The following JAKMIP2 variants were observed in gnomAD, a reference collection of about 807,000 sequenced individuals.
The protein encoded by JAKMIP2 is janus kinase and microtubule interacting protein 2, also known as janus kinase and microtubule-interacting protein 2.
In JAKMIP2, 25 loss-of-function variants were observed where a neutral mutation model predicts 115.0. That is an observed-to-expected ratio of 0.22 (90% CI 0.16 to 0.30). The LOEUF (loss-of-function observed/expected upper bound fraction) is 0.30. Ranked by LOEUF, JAKMIP2 falls within the 10% of genes least tolerant of loss-of-function variation. The probability of loss-of-function intolerance (pLI) is 1.00; values close to 1 mark genes in which losing one functional copy is unlikely to be tolerated. For synonymous variants in JAKMIP2, 334 were observed against 343.6 expected, an observed-to-expected ratio of 0.97 and a Z score of 0.31; for missense variants, 642 against 957.6, an observed-to-expected ratio of 0.67 and a Z score of 4.35.
chr5:147,610,098 C>T (rs1219427424), intron 20 of JAKMIP2, among the ~76,000 whole-genome samples: 1 of 152,112 alleles, frequency 6.6e-6, no homozygotes, highest in Non-Finnish European at 1.5e-5. Context: ...TATTAAGGTT[C>T]TTAGCTTCCT....
At chr5:147,699,907 T>C (rs745704803) in intron 1 of JAKMIP2, among the ~76,000 whole-genome samples, 42 of 152,372 alleles carry the variant, frequency 2.8e-4, no homozygotes, top group Non-Finnish European at 3.7e-4. Context: ...TGGTGCTGTG[T>C]GAAGCAGAAA....
chr5:147,704,709 C>G (rs138485545), intron 1 of JAKMIP2, among the ~76,000 whole-genome samples: 1 of 152,278 alleles, frequency 6.6e-6, no homozygotes, highest in East Asian at 1.9e-4. Context: ...AAAGTCAAGT[C>G]AAGCAGAGGT....
At chr5:147,652,175 T>C (rs1358569219) in intron 3 of JAKMIP2, among the ~76,000 whole-genome samples, 1 of 152,164 alleles carries the variant, frequency 6.6e-6, no homozygotes. Context: ...GTCGTCATCA[T>C]TTTACAGGTG....
At chr5:147,615,503 G>C (rs1756525710) in intron 19 of JAKMIP2, among the ~76,000 whole-genome samples, 1 of 152,028 alleles carries the variant, frequency 6.6e-6, no homozygotes, top group Admixed American at 6.6e-5. Context: ...AGCTACTGAA[G>C]GACCTGAAGA....
chr5:147,728,369 T>C (rs1454648559), intron 1 of JAKMIP2, among the ~76,000 whole-genome samples: 1 of 152,198 alleles, frequency 6.6e-6, no homozygotes, highest in Non-Finnish European at 1.5e-5. Context: ...ATCTTTGCAT[T>C]GTCTTGTTCT....
chr5:147,729,630 C>G, intron 1 of JAKMIP2, among the ~76,000 whole-genome samples: 1 of 151,818 alleles, frequency 6.6e-6, no homozygotes, highest in East Asian at 1.9e-4. Context: ...AAAAATTAGC[C>G]GGGCGTGGTG....
Position 147,636,215 on chromosome 5 carries a change from A to C in JAKMIP2, c.1677+7T>G. 1 of 1,611,854 alleles carries C rather than the reference A, an allele frequency of 6.2e-7. No individual in the cohort carries two copies. The highest frequency in any genetic ancestry group is 2.2e-5 in the East Asian group (1 of 44,854). On this transcript the variant is annotated splice_region_variant and intron_variant, in intron 12 of 21. Coordinates refer to ENST00000616793, the MANE Select transcript of JAKMIP2 (RefSeq NM_001270941.2). The stretch of plus-strand genomic sequence containing the variant: ...TCTGCCCCGCTAGGGTGTTGTGCCC[A>C]ACATACCTTTTCTAAAAGCTCCTGG...
intron 1 of JAKMIP2, among the ~76,000 whole-genome samples, chr5:147,734,238 TAA>T (rs1184498972): frequency 2.6e-5 from 4 of 151,994 alleles, no homozygotes; most frequent in African/African-American, 9.7e-5. Flanking sequence ...TGGTGATCAT[TAA>T]AAAGTCAGGA....
chr5:147,782,222 C>A (rs1755785327), intron 1 of JAKMIP2, among the ~76,000 whole-genome samples: 1 of 152,078 alleles, frequency 6.6e-6, no homozygotes. Flanking sequence ...GCATTCTGAG[C>A]CAGTTAGAGA....
chr5:147,733,764 T>C (rs985127359), intron 1 of JAKMIP2, among the ~76,000 whole-genome samples: 2 of 152,188 alleles, frequency 1.3e-5, no homozygotes, highest in Non-Finnish European at 2.9e-5. Flanking sequence ...GGTTTCCAGT[T>C]TCATCCATGT....
intron 1 of JAKMIP2, among the ~76,000 whole-genome samples, chr5:147,742,155 A>ATATATATATTT: frequency 9.2e-6 from 1 of 108,884 alleles, no homozygotes. Context: ...ATATATATAT[A>ATATATATATTT]TTTTTTTTAC....
intron 1 of JAKMIP2, among the ~76,000 whole-genome samples, chr5:147,750,644 G>T (rs1159845773): frequency 6.6e-6 from 1 of 151,546 alleles, no homozygotes; most frequent in African/African-American, 2.4e-5. Context: ...TTTCTATTAT[G>T]AACTGCACTG....
intron 1 of JAKMIP2, among the ~76,000 whole-genome samples, chr5:147,696,443 C>T (rs1050135521): frequency 1.3e-5 from 2 of 152,194 alleles, no homozygotes; most frequent in African/African-American, 2.4e-5. Flanking sequence ...TTTTCTTCTC[C>T]TTCTGCCATA....
intron 21 of JAKMIP2, among the ~76,000 whole-genome samples, chr5:147,598,429 T>TATCTATCC (rs1755513169): frequency 6.8e-6 from 1 of 145,996 alleles, no homozygotes; most frequent in Non-Finnish European, 1.5e-5. Flanking sequence ...CATTTTCATC[T>TATCTATCC]ATCTATCTAT....
intron 1 of JAKMIP2, among the ~76,000 whole-genome samples, chr5:147,678,293 C>T (rs971705043): frequency 1.6e-4 from 24 of 152,308 alleles, no homozygotes; most frequent in Middle Eastern, 3.4e-3. Flanking sequence ...TGAGCCACCA[C>T]GCCTGGCTAC....
At chr5:147,718,714 T>C (rs564058216) in intron 1 of JAKMIP2, among the ~76,000 whole-genome samples, 148 of 152,358 alleles carry the variant, frequency 9.7e-4, no homozygotes, top group Middle Eastern at 3.4e-3. Context: ...CATTTTTTAT[T>C]GCGTCTATTA....
chr5:147,660,818 G>A lies in JAKMIP2; in HGVS notation c.627+130C>T, dbSNP rs550690318. 3 of 985,620 alleles carry A rather than the reference G, an allele frequency of 3.0e-6. No homozygotes were observed. In the Admixed American group the frequency reaches 7.1e-5, roughly 23 times the overall value. The allele number at this position is 985,620 out of a possible 1,614,324, so 61.1% of individuals were successfully genotyped here. ...TACATACTGATCTATCTTGGATAGA[G>A]CACTGGACAAAAGGTAGGCACTGTT... On this transcript the variant is annotated intron_variant, in intron 3 of 21. Transcript: ENST00000616793.
At chr5:147,675,783 ATT>A (rs1245892919) in intron 1 of JAKMIP2, among the ~76,000 whole-genome samples, 1,515 of 99,104 alleles carry the variant, frequency 0.015, 7 homozygotes, top group African/African-American at 0.049. Context: ...ATCATATGAC[ATT>A]TTTTTTTTTT....
intron 1 of JAKMIP2, among the ~76,000 whole-genome samples, chr5:147,690,042 C>T (rs996713051): frequency 7.9e-5 from 12 of 152,284 alleles, no homozygotes; most frequent in African/African-American, 2.6e-4. Context: ...AAACAATGCA[C>T]TGTCCATGTA....
Sources: gnomAD v4.1 joint callset for allele counts (sites outside exome capture counted in the v4.1 genomes callset) on GRCh38, gnomAD v4.1.1 for gene constraint, MANE v1.5 for transcripts, NCBI Gene and HGNC (gene_info 2026-07-23, HGNC 2026-07-21) for gene names.